The following SRL variants were observed in gnomAD, a reference collection of about 807,000 sequenced individuals.
The protein encoded by SRL is sarcalumenin.
SRL carries 23 observed loss-of-function variants against 39.5 expected under a neutral mutation model. The ratio of observed to expected loss-of-function variants is 0.58; its 90% CI spans 0.42 to 0.82. SRL has a LOEUF of 0.82. Ranked by LOEUF, SRL falls within the 40% of genes least tolerant of loss-of-function variation. The pLI is 0.00. For synonymous variants in SRL, 272 were observed against 237.4 expected (o/e 1.15, Z -1.34); for missense variants, 592 against 607.8 (o/e 0.97, Z 0.27).
intron 1 of SRL, among the ~76,000 whole-genome samples, chr16:4,215,452 G>T (rs1249860688): frequency 6.6e-6 from 1 of 152,160 alleles, no homozygotes; most frequent in Non-Finnish European, 1.5e-5. Flanking sequence ...GGATTTGGGG[G>T]TCCAGAGAGA....
In SRL at chr16:4,192,114, G is replaced by C. The variant is rs2052073438; in HGVS notation, c.*39C>G. The C allele has an allele frequency of 6.6e-7, 1 of 1,519,224 alleles. No individual in the cohort carries two copies. The highest frequency in any genetic ancestry group is 1.4e-5 in the African/African-American group (1 of 71,766). 94.1% of individuals were successfully genotyped at this position (1,519,224 alleles called of 1,614,324 possible). On this transcript the variant is annotated 3_prime_UTR_variant, in exon 6 of 6. Transcript: ENST00000399609. This position sits in a 1 kb window ranked among gnomAD's most constrained non-coding sequence, Gnocchi z 4.0. ...GACCTCTCAGACAGTTAGGACACAAGCTGATTCACCAACAGGAACCCAAGG... is the reference window on the plus strand; with the variant it reads ...GACCTCTCAGACAGTTAGGACACAACCTGATTCACCAACAGGAACCCAAGG...
At chr16:4,204,498 T>C (rs772876816) in intron 2 of SRL, 35 bp downstream of exon 2, 67 of 1,485,544 alleles carry the variant, frequency 4.5e-5, no homozygotes, top group Middle Eastern at 3.5e-4. Flanking sequence ...GGCCGGGCTC[T>C]CCCAGCCCTG....
At chr16:4,215,937 G>A (rs1215850149) in intron 1 of SRL, among the ~76,000 whole-genome samples, 1 of 152,146 alleles carries the variant, frequency 6.6e-6, no homozygotes, top group Non-Finnish European at 1.5e-5. Context: ...TGGGGAGGCT[G>A]TGGTTGACGG....
In SRL at chr16:4,192,208, T is replaced by G. The variant is rs1264122139; in HGVS notation, c.1367A>C (p.Asn456Thr). 6.3e-7 allele frequency: 1 copy of G among 1,598,510 alleles called. No individual in the cohort carries two copies. The highest frequency in any genetic ancestry group is 8.5e-7 in the Non-Finnish European group (1 of 1,173,628). ...TTCGCTACACCCTGTTTTGTCACAG[T>G]TGAGAGCACCTGGATTCTTCCCGAG... ...LGLGKNPGAL[N>T]CDKTGCSETP... The change falls in exon 6 of 6, where the codon AAC becomes ACC. Residue 456 changes from asparagine to threonine, a missense_variant. Physicochemically the swap from Asn to Thr is moderately conservative, Grantham distance 65. Transcript: ENST00000399609. This position sits in a 1 kb window ranked among gnomAD's most constrained non-coding sequence, Gnocchi z 4.0.
At position 4,192,156 on chromosome 16, in the gene SRL, G is replaced by A. The variant is rs535201384; in HGVS notation, c.1419C>T (p.His473=). The A allele has an allele frequency of 6.5e-7, 1 of 1,546,884 alleles. No homozygotes were observed. The change falls in exon 6 of 6, where the codon CAC becomes CAT. Residue 473 remains histidine, a synonymous_variant. Transcript: ENST00000399609. This position sits in a 1 kb window ranked among gnomAD's most constrained non-coding sequence, Gnocchi z 4.0. ...SETPKNRYRK[H] ...AACCCAAGGACCGCTCCACCACCTA[G>A]TGCTTCCTGTAGCGATTTTTTGGTG...
At chr16:4,228,547 A>C (rs1001307214) in intron 1 of SRL, among the ~76,000 whole-genome samples, 4 of 152,016 alleles carry the variant, frequency 2.6e-5, no homozygotes, top group Non-Finnish European at 5.9e-5. Context: ...CATCCTGGCT[A>C]ACACGGTGAA....
intron 2 of SRL, among the ~76,000 whole-genome samples, 157 bp from the exon 3 acceptor site, chr16:4,203,418 A>G (rs7185110): frequency 2.0e-5 from 3 of 152,086 alleles, no homozygotes. Context: ...GTATTTGCAT[A>G]TGGGGAGCTG....
chr16:4,232,924 G>A (rs984678171), intron 1 of SRL, among the ~76,000 whole-genome samples: 33 of 152,264 alleles, frequency 2.2e-4, no homozygotes, highest in African/African-American at 4.3e-4. Flanking sequence ...GGGGGGAGGC[G>A]GGGGCTCCCA....
intron 1 of SRL, among the ~76,000 whole-genome samples, chr16:4,234,775 C>T (rs2052697795): frequency 6.6e-6 from 1 of 152,216 alleles, no homozygotes; most frequent in Non-Finnish European, 1.5e-5. Context: ...TTCATTCATT[C>T]ATTATTTCAC....
Position 4,224,674 on chromosome 16 carries a change from G to A in SRL, c.61+17333C>T, listed in dbSNP as rs940367572. Among the ~76,000 whole-genome samples, 100 of 151,464 alleles carry A rather than the reference G, an allele frequency of 6.6e-4. 1 individual carries two copies. Among genetic ancestry groups the A allele is most frequent in the African/African-American group, 2.4e-3 (97 of 41,248 alleles). On this transcript the variant is annotated intron_variant, in intron 1 of 5. Transcript: ENST00000399609. Reference sequence around the variant, plus strand: ...TGCAGTGAGCGGAGATTGCGCCACTGCACTCACTGCACTCTCGCCTGGGCA... The same window carrying A: ...TGCAGTGAGCGGAGATTGCGCCACTACACTCACTGCACTCTCGCCTGGGCA...
intron 1 of SRL, among the ~76,000 whole-genome samples, chr16:4,222,597 G>C (rs2052542692): frequency 6.6e-6 from 1 of 151,884 alleles, no homozygotes; most frequent in Non-Finnish European, 1.5e-5. Context: ...CTTTTAACCT[G>C]TGTCCCTCCA....
At position 4,190,330 on chromosome 16, in the gene SRL, G is replaced by A. The variant is rs1239150292; in HGVS notation, c.*1823C>T. On this transcript the variant is annotated 3_prime_UTR_variant, in exon 6 of 6. Transcript: ENST00000399609. ...CTGCCTTTCCACTGTCCTGGGTCCA[G>A]GATGACTTCCTGGTGCTGAGCTGGT... 2.5e-6 allele frequency: 1 copy of A among 398,932 alleles called. No homozygotes were observed. Among genetic ancestry groups the A allele is most frequent in the Non-Finnish European group, 4.4e-6 (1 of 226,348 alleles). The allele number at this position is 398,932 out of a possible 1,614,324, so 24.7% of individuals were successfully genotyped here. A position where few individuals can be genotyped will look rare whatever the true frequency, so the allele number is the denominator to read the frequency against.
chr16:4,225,140 G>A (rs914875185), intron 1 of SRL, among the ~76,000 whole-genome samples: 7 of 141,368 alleles, frequency 5.0e-5, no homozygotes, highest in Admixed American at 2.9e-4. Context: ...AGGGCCCAGA[G>A]CTTCTTTTTG....
intron 1 of SRL, among the ~76,000 whole-genome samples, chr16:4,228,061 AAAG>A (rs2052611862): frequency 6.6e-6 from 1 of 152,226 alleles, no homozygotes; most frequent in South Asian, 2.1e-4. Context: ...GGACACAGCC[AAAG>A]GAGAGCCTGG....
Position 4,192,275 on chromosome 16 carries a change from C to T in SRL, c.1300G>A (p.Ala434Thr), listed in dbSNP as rs1381626108. 13 of 1,614,006 alleles carry T rather than the reference C, an allele frequency of 8.1e-6. No homozygotes were observed. The highest frequency in any genetic ancestry group is 1.1e-5 in the Non-Finnish European group (13 of 1,180,000). The stretch of plus-strand genomic sequence containing the variant: ...AGGCCCGGAAGCTCCTGAGTGATGG[C>T]CCGCTCAATCTTCTCCAGAAAGCAA... ...GGCFLEKIER[A>T]ITQELPGLLG... Residue 434 changes from alanine to threonine, a missense_variant, in exon 6 of 6, where the codon GCC becomes ACC. Physicochemically the swap from Ala to Thr is moderately conservative, Grantham distance 58. Coordinates refer to ENST00000399609, the MANE Select transcript of SRL (RefSeq NM_001098814.2). This position sits in a 1 kb window ranked among gnomAD's most constrained non-coding sequence, Gnocchi z 4.0.
At chr16:4,241,171 G>C (rs373611111) in intron 1 of SRL, among the ~76,000 whole-genome samples, 11 of 152,054 alleles carry the variant, frequency 7.2e-5, no homozygotes, top group African/African-American at 2.7e-4. Flanking sequence ...GGATCCTAGG[G>C]GGATCCCCGG....
Position 4,195,727 on chromosome 16 carries a change from T to C in SRL, c.436A>G (p.Ile146Val), listed in dbSNP as rs772999977. Residue 146 changes from isoleucine (I) to valine (V), a missense_variant, in exon 5 of 6, where the codon ATC (isoleucine) becomes GTC (valine). Ile to Val is a conservative substitution (Grantham distance 29). Transcript: ENST00000399609. The part of the protein sequence containing the change: ...VLMHGPKLKT[I>V]EGIVMAADSA... ...TCAGCAGCCATGACGATGCCCTCGA[T>C]GGTTTTCAGCTTAGGCCCATGCATG... is the stretch of plus-strand genomic sequence containing the variant. The C allele has an allele frequency of 6.8e-6, 11 of 1,614,020 alleles. No individual in the cohort carries two copies. Among genetic ancestry groups the C allele is most frequent in the Non-Finnish European group, 9.3e-6 (11 of 1,179,998 alleles).
intron 1 of SRL, among the ~76,000 whole-genome samples, chr16:4,238,034 T>C (rs762698982): frequency 6.6e-6 from 1 of 152,132 alleles, no homozygotes; most frequent in Admixed American, 6.5e-5. Flanking sequence ...ATTCCCCTAG[T>C]ACCATACTTC....
At chr16:4,229,886 C>A (rs2052639877) in intron 1 of SRL, among the ~76,000 whole-genome samples, 1 of 152,138 alleles carries the variant, frequency 6.6e-6, no homozygotes, top group African/African-American at 2.4e-5. Flanking sequence ...AAGGCCAAGA[C>A]TTTGAGGGGA....
Sources: gnomAD v4.1 joint callset for allele counts (sites outside exome capture counted in the v4.1 genomes callset) on GRCh38, gnomAD v4.1.1 for gene constraint, Gnocchi (gnomAD v3.1) non-coding constraint, MANE v1.5 for transcripts, NCBI Gene and HGNC (gene_info 2026-07-23, HGNC 2026-07-21) for gene names.